ABCA13: variants seen among roughly 807,000 people sequenced by gnomAD.
ABCA13 encodes ATP-binding cassette sub-family A member 13.
Under a neutral mutation model 478.7 loss-of-function variants are expected in ABCA13, and 476 were observed. That is an observed-to-expected ratio of 0.99 (90% CI 0.92 to 1.07). The LOEUF (loss-of-function observed/expected upper bound fraction) is 1.07. Among genes scored for constraint, ABCA13 ranks in the 50% least tolerant of loss-of-function variants. ABCA13 has a pLI of 0.00. For missense variants in ABCA13, 6,060 were observed against 5,910.6 expected (o/e 1.03, Z -0.83); for synonymous variants, 2,252 against 2,158.9 (o/e 1.04, Z -1.20).
chr7:48,203,900 C>G (rs1233300732), intron 3 of ABCA13, among the ~76,000 whole-genome samples: 1 of 152,122 alleles, frequency 6.6e-6, no homozygotes, highest in Non-Finnish European at 1.5e-5. Context: ...GAAATGTTTC[C>G]AGCCATTTCC....
chr7:48,322,351 A>G (rs1257066900), intron 27 of ABCA13, among the ~76,000 whole-genome samples: 1 of 152,308 alleles, frequency 6.6e-6, no homozygotes, highest in East Asian at 1.9e-4. Context: ...CACTCCAGAC[A>G]TGGCAGCAGC....
chr7:48,329,445 G>A (rs900554998), intron 27 of ABCA13, among the ~76,000 whole-genome samples: 1 of 152,168 alleles, frequency 6.6e-6, no homozygotes, highest in African/African-American at 2.4e-5. Context: ...TAGGGGGCTG[G>A]CTGTGTGCCC....
At chr7:48,510,094 G>C (rs1831543839) in intron 50 of ABCA13, among the ~76,000 whole-genome samples, 1 of 152,252 alleles carries the variant, frequency 6.6e-6, no homozygotes, top group African/African-American at 2.4e-5. Context: ...GCATAAAGCA[G>C]AGAAGATTGC....
chr7:48,511,280 G>A (rs988885472), intron 51 of ABCA13, 81 bp downstream of exon 51: 4 of 1,127,260 alleles, frequency 3.5e-6, no homozygotes, highest in African/African-American at 3.1e-5. Context: ...TGAACCTGCT[G>A]TCGACTTCAT....
In ABCA13 at chr7:48,259,538, ACTT is replaced by A. The variant is rs560054405; in HGVS notation, c.2006-9438_2006-9436del. 3.8e-3 allele frequency among the ~76,000 whole-genome samples: 583 copies of A among 152,026 alleles called. 4 individuals are homozygous for A. Among genetic ancestry groups the A allele is most frequent in the Middle Eastern group, 0.027 (8 of 294 alleles). On this transcript the variant is annotated intron_variant, in intron 15 of 61. Coordinates refer to ENST00000435803, the MANE Select transcript of ABCA13 (RefSeq NM_152701.5). ...CTCTTGAAGACACATATGGCGTCTT[ACTT>A]CTTTATCCAACTTCCACTTTGTGTC...
chr7:48,200,693 CAAGA>C (rs1405715719), intron 3 of ABCA13, among the ~76,000 whole-genome samples: 1 of 152,084 alleles, frequency 6.6e-6, no homozygotes, highest in Non-Finnish European at 1.5e-5. Context: ...AGAAAGGAGA[CAAGA>C]AAGAGTGAAG....
chr7:48,587,368 G>A, intron 57 of ABCA13, 80 bp downstream of exon 57: 2 of 1,427,372 alleles, frequency 1.4e-6, no homozygotes, highest in Non-Finnish European at 1.9e-6. Flanking sequence ...GGGTTTTTCT[G>A]GGAAGTAACT....
chr7:48,581,750 G>T (rs1341128368), intron 56 of ABCA13, among the ~76,000 whole-genome samples: 1 of 152,128 alleles, frequency 6.6e-6, no homozygotes, highest in Admixed American at 6.5e-5. Context: ...ATTAGGAACT[G>T]CCTTCATTTC....
At chr7:48,175,249 TTGAC>T (rs1794680200) in intron 1 of ABCA13, among the ~76,000 whole-genome samples, 1 of 152,178 alleles carries the variant, frequency 6.6e-6, no homozygotes, top group South Asian at 2.1e-4. Flanking sequence ...TTTTTTTAAA[TTGAC>T]AGATAATAAT....
chr7:48,532,501 G>A (rs1020411414), intron 55 of ABCA13, among the ~76,000 whole-genome samples: 2 of 151,982 alleles, frequency 1.3e-5, no homozygotes, highest in Non-Finnish European at 2.9e-5. Flanking sequence ...TGGTATTGGG[G>A]TGACACTGGC....
intron 38 of ABCA13, among the ~76,000 whole-genome samples, chr7:48,398,278 C>G (rs1005645090): frequency 6.6e-6 from 1 of 152,178 alleles, no homozygotes; most frequent in Non-Finnish European, 1.5e-5. Context: ...GAGCTTAAAT[C>G]AAACACCTAA....
At chr7:48,581,341 T>G (rs1266595882) in intron 56 of ABCA13, among the ~76,000 whole-genome samples, 2 of 152,184 alleles carry the variant, frequency 1.3e-5, no homozygotes, top group Non-Finnish European at 2.9e-5. Flanking sequence ...TAACTTTAAG[T>G]GAAACTAAAC....
intron 1 of ABCA13, among the ~76,000 whole-genome samples, chr7:48,176,717 C>T (rs1794929661): frequency 1.3e-5 from 2 of 152,154 alleles, no homozygotes; most frequent in Non-Finnish European, 2.9e-5. Flanking sequence ...CCCTGCTGGG[C>T]TCTGCCTCTG....
At chr7:48,420,406 G>C (rs1170190288) in intron 41 of ABCA13, among the ~76,000 whole-genome samples, 1 of 152,210 alleles carries the variant, frequency 6.6e-6, no homozygotes, top group Non-Finnish European at 1.5e-5. Flanking sequence ...TAGAGAGTTA[G>C]AAGACTTGGC....
At chr7:48,374,769 C>G (rs1004334477) in intron 34 of ABCA13, among the ~76,000 whole-genome samples, 1 of 152,144 alleles carries the variant, frequency 6.6e-6, no homozygotes. Context: ...TCAGGGGTCC[C>G]CAACCCCTGG....
In ABCA13 at chr7:48,403,813, C is replaced by G. The variant is rs757330383; in HGVS notation, c.12004C>G (p.Pro4002Ala). The stretch of plus-strand genomic sequence containing the variant: ...GTCGAGGACCGTGGTTCTGGATGAG[C>G]CCACCAGTGGGGTGGACCCTTGCTC... ...GMSRTVVLDEPTSGVDPCSRH... is the reference protein window; with the variant it reads ...GMSRTVVLDEATSGVDPCSRH... The change falls in exon 39 of 62, where the codon CCC (proline) becomes GCC (alanine). Residue 4002 changes from proline (P) to alanine (A), a missense_variant. Transcript: ENST00000435803. 5.0e-6 allele frequency: 8 copies of G among 1,613,728 alleles called. No individual in the cohort carries two copies. The East Asian group carries it at 1.8e-4, about 36-fold the overall frequency.
At chr7:48,198,891 C>T (rs920981521) in intron 3 of ABCA13, among the ~76,000 whole-genome samples, 4 of 152,108 alleles carry the variant, frequency 2.6e-5, no homozygotes, top group African/African-American at 4.8e-5. Flanking sequence ...CTGTGGTTGC[C>T]TACAGTGTCA....
chr7:48,230,883 G>A (rs369438008), intron 7 of ABCA13, among the ~76,000 whole-genome samples: 36 of 152,034 alleles, frequency 2.4e-4, no homozygotes, highest in African/African-American at 8.2e-4. Flanking sequence ...AATAAACAAC[G>A]AGCACTTCCT....
At chr7:48,370,234 A>G (rs1006883343) in intron 32 of ABCA13, among the ~76,000 whole-genome samples, 14 of 152,146 alleles carry the variant, frequency 9.2e-5, no homozygotes, top group African/African-American at 3.4e-4. Context: ...ATTTGTGTAC[A>G]TGAATTTTGT....
Sources: gnomAD v4.1 joint callset for allele counts (sites outside exome capture counted in the v4.1 genomes callset) on GRCh38, gnomAD v4.1.1 for gene constraint, MANE v1.5 for transcripts, NCBI Gene and HGNC (gene_info 2026-07-23, HGNC 2026-07-21) for gene names.